Variants in SV2B observed in about 807,000 individuals in gnomAD.
SV2B encodes solute carrier family 22 member B2.
In SV2B, 41 loss-of-function variants were observed where a neutral mutation model predicts 73.9. That is an observed-to-expected ratio of 0.56 (90% CI 0.43 to 0.72). SV2B has a LOEUF of 0.72. Among genes scored for constraint, SV2B ranks in the 30% least tolerant of loss-of-function variants. The pLI is 0.00. For synonymous variants in SV2B, 314 were observed against 314.2 expected (o/e 1.00, Z 0.01); for missense variants, 764 against 857.8 (o/e 0.89, Z 1.37).
At chr15:91,148,411 G>A (rs1169259563) in intron 1 of SV2B, among the ~76,000 whole-genome samples, 5 of 152,134 alleles carry the variant, frequency 3.3e-5, no homozygotes, top group African/African-American at 4.8e-5. Context: ...TGGGTTTCCA[G>A]CCTCAATGTG....
chr15:91,184,814 C>G (rs958073403), intron 1 of SV2B, among the ~76,000 whole-genome samples: 17 of 152,186 alleles, frequency 1.1e-4, no homozygotes, highest in African/African-American at 4.1e-4. Context: ...GGTTTAAAAA[C>G]TCTAAGTCAA....
intron 9 of SV2B, among the ~76,000 whole-genome samples, chr15:91,275,424 A>C (rs1344591996): frequency 1.3e-5 from 2 of 152,156 alleles, no homozygotes; most frequent in Non-Finnish European, 2.9e-5. Context: ...CTCCTGTTTT[A>C]TGTGATTGTT....
chr15:91,259,182 A>G (rs1406330922), intron 5 of SV2B, among the ~76,000 whole-genome samples: 3 of 152,224 alleles, frequency 2.0e-5, no homozygotes, highest in African/African-American at 2.4e-5. Flanking sequence ...ACTGAGAGCT[A>G]TGGTACAGCT....
rs1049165189 is a variant in SV2B, at chr15:91,128,097, G to T, written c.-392+27734G>T. Among the ~76,000 whole-genome samples the T allele has an allele frequency of 6.6e-6, 1 of 152,144 alleles. No homozygotes were observed. The highest frequency in any genetic ancestry group is 6.5e-5 in the Admixed American group (1 of 15,282). On this transcript the variant is annotated intron_variant, in intron 1 of 12. Coordinates refer to ENST00000394232, the MANE Select transcript of SV2B (RefSeq NM_001323032.3). The surrounding 1 kb of genome is among the most constrained non-coding windows in gnomAD (Gnocchi z 4.2). ...TTATCATTGTCACGTTCATCCCAGG[G>T]ACTCAAATTAAATCTGGGATTGTGC... is the stretch of plus-strand genomic sequence containing the variant.
Position 91,281,770 on chromosome 15 carries a change from A to T in SV2B, c.1416A>T (p.Thr472=). The T allele has an allele frequency of 1.2e-6, 2 of 1,613,106 alleles. No homozygotes were observed. The highest frequency in any genetic ancestry group is 8.5e-7 in the Non-Finnish European group (1 of 1,179,352). The change falls in exon 10 of 13, where the codon ACA becomes ACT. Residue 472 remains threonine, a synonymous_variant. Coordinates refer to ENST00000394232, the MANE Select transcript of SV2B (RefSeq NM_001323032.3). This position sits in a 1 kb window ranked among gnomAD's most constrained non-coding sequence, Gnocchi z 4.7. ...TTAAACATGTACTCTTTGAGGACAC[A>T]TTCTTTGACGAGTGCTATTTTGAAG... The part of the protein sequence containing the change: ...MYFKHVLFED[T]FFDECYFEDV...
chr15:91,192,077 A>G (rs1473748490), intron 1 of SV2B, among the ~76,000 whole-genome samples: 4 of 152,150 alleles, frequency 2.6e-5, no homozygotes, highest in African/African-American at 2.4e-5. Flanking sequence ...CCACTATCAT[A>G]TTAGTATTGA....
intron 1 of SV2B, among the ~76,000 whole-genome samples, chr15:91,183,735 A>G (rs979416280): frequency 7.9e-5 from 12 of 152,242 alleles, no homozygotes; most frequent in Admixed American, 5.2e-4. Flanking sequence ...TCAAAGCTGT[A>G]TAAATGTCAA....
chr15:91,173,228 G>A (rs1002098145), intron 1 of SV2B, among the ~76,000 whole-genome samples: 1 of 152,120 alleles, frequency 6.6e-6, no homozygotes, highest in East Asian at 1.9e-4. Flanking sequence ...GTACGAGCGC[G>A]GTGTGTCTGA....
intron 1 of SV2B, among the ~76,000 whole-genome samples, chr15:91,155,836 AC>A (rs1276854445): frequency 6.6e-6 from 1 of 152,042 alleles, no homozygotes; most frequent in African/African-American, 2.4e-5. Flanking sequence ...ATTGTTCCAG[AC>A]CGTTAAGGTA....
intron 1 of SV2B, among the ~76,000 whole-genome samples, chr15:91,210,020 A>T (rs2045797219): frequency 6.6e-6 from 1 of 152,122 alleles, no homozygotes; most frequent in Admixed American, 6.6e-5. Flanking sequence ...GGGACTAATT[A>T]TAGAGCAGGG....
intron 1 of SV2B, among the ~76,000 whole-genome samples, chr15:91,160,773 T>C (rs2043686408): frequency 6.6e-6 from 1 of 152,186 alleles, no homozygotes; most frequent in Non-Finnish European, 1.5e-5. Context: ...GTGGAGTTAC[T>C]GTTATTCATT....
chr15:91,192,858 A>G (rs965294892), intron 1 of SV2B, among the ~76,000 whole-genome samples: 6 of 152,092 alleles, frequency 3.9e-5, no homozygotes, highest in Non-Finnish European at 8.8e-5. Context: ...AAGCTGTGCT[A>G]TTTTTCCAGG....
At chr15:91,167,988 CA>C (rs2043974683) in intron 1 of SV2B, among the ~76,000 whole-genome samples, 1 of 152,072 alleles carries the variant, frequency 6.6e-6, no homozygotes, top group African/African-American at 2.4e-5. Context: ...TGTTTGGTTT[CA>C]TCCCCAGATG....
intron 1 of SV2B, among the ~76,000 whole-genome samples, chr15:91,185,548 A>C (rs1470030248): frequency 6.6e-6 from 1 of 152,230 alleles, no homozygotes; most frequent in Non-Finnish European, 1.5e-5. Context: ...TCATTAAAGC[A>C]CATGGGGAGG....
rs2049000270 is a variant in SV2B, at chr15:91,290,333, C to T, written c.1868+653C>T. 6.6e-6 allele frequency among the ~76,000 whole-genome samples: 1 copy of T among 152,052 alleles called. No homozygotes were observed. The highest frequency in any genetic ancestry group is 2.4e-5 in the African/African-American group (1 of 41,394). ...TCTGCAAAAACCTTAATGATATTTC[C>T]AAAATTGGCGACAGAGGTATTGGGA... On this transcript the variant is annotated intron_variant, in intron 12 of 12. Transcript: ENST00000394232. The surrounding 1 kb of genome is among the most constrained non-coding windows in gnomAD (Gnocchi z 4.7).
In SV2B at chr15:91,208,437, A is replaced by G. The variant is rs189740278; in HGVS notation, c.-391-17436A>G. ...TGATTTCAGAGGTGAAAGTTGCTAA[A>G]GATCATTTTGCTAATGACAGTTTCA... On this transcript the variant is annotated intron_variant, in intron 1 of 12. Coordinates refer to ENST00000394232, the MANE Select transcript of SV2B (RefSeq NM_001323032.3). 2.9e-3 allele frequency among the ~76,000 whole-genome samples: 435 copies of G among 152,356 alleles called. 3 individuals carry two copies. Among genetic ancestry groups the G allele is most frequent in the South Asian group, 0.026 (128 of 4,832 alleles).
chr15:91,232,864 C>T lies in SV2B; in HGVS notation c.451+6150C>T, dbSNP rs114410985. ...GAACCTAACTGTTTTTCAGTCCTTT[C>T]GCCTCTCCAGTAGTCCCCAGTGTCT... On this transcript the variant is annotated intron_variant, in intron 2 of 12. Coordinates refer to ENST00000394232, the MANE Select transcript of SV2B (RefSeq NM_001323032.3). The surrounding 1 kb of genome is among the most constrained non-coding windows in gnomAD (Gnocchi z 4.7). 0.01 allele frequency among the ~76,000 whole-genome samples: 1,528 copies of T among 152,286 alleles called. 12 individuals are homozygous for T. The highest frequency in any genetic ancestry group is 0.015 in the Non-Finnish European group (1,024 of 68,018).
intron 1 of SV2B, among the ~76,000 whole-genome samples, chr15:91,170,232 A>C (rs989916533): frequency 2.6e-5 from 4 of 152,104 alleles, no homozygotes; most frequent in African/African-American, 7.2e-5. Context: ...CAGACACCCG[A>C]ATTTTTTTAG....
intron 1 of SV2B, among the ~76,000 whole-genome samples, chr15:91,175,131 A>G (rs940975242): frequency 2.6e-5 from 4 of 152,258 alleles, no homozygotes; most frequent in Admixed American, 6.5e-5. Flanking sequence ...TTGTCAGAGC[A>G]AATGTAATCT....
Sources: allele counts gnomAD v4.1 joint callset (sites outside exome capture counted in the v4.1 genomes callset), GRCh38; gene constraint gnomAD v4.1.1; non-coding constraint Gnocchi (gnomAD v3.1); transcripts MANE v1.5; gene names NCBI Gene and HGNC (gene_info 2026-07-23, HGNC 2026-07-21).